ELAPOR1: variants seen among roughly 807,000 people sequenced by gnomAD.
The protein encoded by ELAPOR1 is endosome-lysosome associated apoptosis and autophagy regulator 1, also known as endosome/lysosome-associated apoptosis and autophagy regulator 1.
In ELAPOR1, 77 loss-of-function variants were observed where a neutral mutation model predicts 119.7. The ratio of observed to expected loss-of-function variants is 0.64; its 90% CI spans 0.54 to 0.78. The LOEUF (loss-of-function observed/expected upper bound fraction) is 0.78, where lower values mean the gene tolerates loss of function less well. Ranked by LOEUF, ELAPOR1 falls within the 30% of genes least tolerant of loss-of-function variation. The pLI is 0.00. For missense variants in ELAPOR1, 1,115 were observed against 1,270.4 expected (o/e 0.88, Z 1.86); for synonymous variants, 481 against 487.2 (o/e 0.99, Z 0.17).
chr1:109,186,138 G>A (rs530981539), intron 8 of ELAPOR1, among the ~76,000 whole-genome samples: 1 of 152,074 alleles, frequency 6.6e-6, no homozygotes, highest in African/African-American at 2.4e-5. Context: ...ATTTTAGAAG[G>A]GTAGGGATGT....
intron 1 of ELAPOR1, among the ~76,000 whole-genome samples, chr1:109,141,366 A>G (rs1409225002): frequency 6.6e-6 from 1 of 151,868 alleles, no homozygotes; most frequent in Non-Finnish European, 1.5e-5. Flanking sequence ...GGTTCACACC[A>G]TTCTCCTGCC....
At chr1:109,114,853 T>C (rs1489312762) in intron 1 of ELAPOR1, among the ~76,000 whole-genome samples, 1 of 152,200 alleles carries the variant, frequency 6.6e-6, no homozygotes, top group Non-Finnish European at 1.5e-5. Flanking sequence ...TCCAGCTCTC[T>C]AGTTCCTTGT....
At chr1:109,202,147 C>G (rs1287040789) in intron 21 of ELAPOR1, among the ~76,000 whole-genome samples, 1 of 152,132 alleles carries the variant, frequency 6.6e-6, no homozygotes, top group African/African-American at 2.4e-5. Flanking sequence ...GAGTGTTGCT[C>G]TGTCTCCCAG....
At chr1:109,153,389 A>T (rs953026590) in intron 1 of ELAPOR1, among the ~76,000 whole-genome samples, 29 of 152,152 alleles carry the variant, frequency 1.9e-4, no homozygotes, top group African/African-American at 7.0e-4. Context: ...ATGGAACACA[A>T]CTCCAGGTCC....
intron 10 of ELAPOR1, 90 bp downstream of exon 10, chr1:109,189,284 G>A: frequency 6.8e-7 from 1 of 1,475,246 alleles, no homozygotes; most frequent in Non-Finnish European, 9.2e-7. Flanking sequence ...AGTGATGTCT[G>A]AGAAAAATAA....
intron 7 of ELAPOR1, among the ~76,000 whole-genome samples, chr1:109,182,492 C>CA (rs879825432): frequency 6.6e-6 from 1 of 151,950 alleles, no homozygotes; most frequent in Non-Finnish European, 1.5e-5. Flanking sequence ...GGCTGAGGCT[C>CA]AGAGAGGTTA....
chr1:109,114,342 G>GC lies in ELAPOR1; in HGVS notation c.153+8dup. ...AGCTTCATGCCTGCAAAGAGGTACT[G>GC]CCGCCCCCCTACCCGATCCCGCTTT... On this transcript the variant is annotated splice_region_variant and intron_variant, in intron 1 of 21. Coordinates refer to ENST00000369939, the MANE Select transcript of ELAPOR1 (RefSeq NM_020775.5). 6.3e-7 allele frequency: 1 copy of GC among 1,578,738 alleles called. No homozygotes were observed. The highest frequency in any genetic ancestry group is 8.6e-7 in the Non-Finnish European group (1 of 1,162,266).
chr1:109,130,881 T>C (rs921740874), intron 1 of ELAPOR1, among the ~76,000 whole-genome samples: 3 of 152,180 alleles, frequency 2.0e-5, no homozygotes, highest in Non-Finnish European at 4.4e-5. Context: ...CGTAAATCTG[T>C]AGTCTCAGCT....
rs976902263 is a variant in ELAPOR1, at chr1:109,192,842, G to T, written c.1915G>T (p.Val639Leu). The change falls in exon 14 of 22, where the codon GTG becomes TTG. Residue 639 changes from valine (V) to leucine (L), a missense_variant. Physicochemically the swap from Val to Leu is conservative, Grantham distance 32. Transcript: ENST00000369939. The stretch of plus-strand genomic sequence containing the variant: ...CCAGCCTTATGGTGTCCAGGCCTGT[G>T]TGCCCTGTGGTCCAGGGACCAAGAA... Reference protein sequence around the residue: ...AHQPYGVQACVPCGPGTKNNK... With the variant: ...AHQPYGVQACLPCGPGTKNNK... 5 of 1,613,968 alleles carry T rather than the reference G, an allele frequency of 3.1e-6. No individual in the cohort carries two copies. The African/African-American group carries it at 6.7e-5, about 22-fold the overall frequency.
intron 3 of ELAPOR1, among the ~76,000 whole-genome samples, chr1:109,170,187 C>T (rs981927720): frequency 1.3e-5 from 2 of 152,150 alleles, no homozygotes; most frequent in Admixed American, 6.5e-5. Context: ...GAACCGCATG[C>T]GCATGTTAAA....
intron 1 of ELAPOR1, among the ~76,000 whole-genome samples, chr1:109,129,065 G>A (rs976289450): frequency 2.0e-5 from 3 of 150,130 alleles, no homozygotes; most frequent in Non-Finnish European, 4.4e-5. Flanking sequence ...TGCCTCTGGG[G>A]CTCATGGGTC....
At chr1:109,201,219 C>CT (rs1557705233) in intron 21 of ELAPOR1, 3 of 472,180 alleles carry the variant, frequency 6.4e-6, no homozygotes, top group Admixed American at 5.0e-5. Flanking sequence ...TCCCCTACTC[C>CT]TTTTTTTATT....
intron 8 of ELAPOR1, chr1:109,186,475 T>C: frequency 6.1e-6 from 6 of 984,876 alleles, no homozygotes; most frequent in Non-Finnish European, 7.2e-6. Flanking sequence ...TAACTAAGCA[T>C]GGGTTAAAGT....
intron 1 of ELAPOR1, among the ~76,000 whole-genome samples, chr1:109,121,413 C>G (rs190509132): frequency 4.6e-5 from 7 of 152,184 alleles, no homozygotes; most frequent in Non-Finnish European, 8.8e-5. Flanking sequence ...TCCCAAAGTG[C>G]GTGAGCCACT....
chr1:109,139,063 C>G (rs1558025824), intron 1 of ELAPOR1, among the ~76,000 whole-genome samples: 1 of 151,912 alleles, frequency 6.6e-6, no homozygotes, highest in Non-Finnish European at 1.5e-5. Context: ...ACTAAAGTTA[C>G]CTCGTGGCTG....
intron 3 of ELAPOR1, among the ~76,000 whole-genome samples, chr1:109,167,367 A>G (rs1487283730): frequency 6.6e-6 from 1 of 152,038 alleles, no homozygotes; most frequent in Non-Finnish European, 1.5e-5. Context: ...GGAGGGAGGG[A>G]GAGGATATTT....
At chr1:109,184,235 G>T (rs613279) in intron 7 of ELAPOR1, among the ~76,000 whole-genome samples, 125,868 of 152,068 alleles carry the variant, frequency 0.83, 52,708 homozygotes, top group East Asian at 1. Context: ...GCCAGGCATG[G>T]TGACTCATGC....
rs952394002 is a variant in ELAPOR1 at position 109,205,533 on chromosome 1, A to G, written c.*2521A>G. On this transcript the variant is annotated 3_prime_UTR_variant, in exon 22 of 22. Transcript: ENST00000369939. ...AGTCAGGCTCTCAGAACCTGTGTCC[A>G]TGTTGGAACTTCCCCCAGTGTGGAT... is the stretch of plus-strand genomic sequence containing the variant. 6.6e-6 allele frequency: 1 copy of G among 152,120 alleles called. No homozygotes were observed. Among genetic ancestry groups the G allele is most frequent in the Admixed American group, 6.5e-5 (1 of 15,280 alleles). The allele number at this position is 152,120 out of a possible 1,614,324, so 9.4% of individuals were successfully genotyped here. A position where few individuals can be genotyped will look rare whatever the true frequency, so the allele number is the denominator to read the frequency against.
intron 1 of ELAPOR1, among the ~76,000 whole-genome samples, chr1:109,133,346 A>C (rs1649266596): frequency 7.2e-6 from 1 of 138,414 alleles, no homozygotes; most frequent in Admixed American, 7.1e-5. Context: ...TAGTGGCCAA[A>C]GTAGAAGCCA....
Sources: gnomAD v4.1 joint callset for allele counts (sites outside exome capture counted in the v4.1 genomes callset) on GRCh38, gnomAD v4.1.1 for gene constraint, MANE v1.5 for transcripts, NCBI Gene and HGNC (gene_info 2026-07-23, HGNC 2026-07-21) for gene names.